The following SLC4A4 variants were observed in gnomAD, a reference collection of about 807,000 sequenced individuals.
The protein encoded by SLC4A4 is electrogenic sodium bicarbonate cotransporter 1.
A neutral mutation model predicts 111.5 loss-of-function variants in SLC4A4; 27 were observed. The observed-to-expected ratio is 0.24, with a 90% confidence interval of 0.18 to 0.33. SLC4A4 has a LOEUF of 0.33. Ranked by LOEUF, SLC4A4 falls within the 10% of genes least tolerant of loss-of-function variation. The pLI is 1.00. For synonymous variants in SLC4A4, 443 were observed against 463.4 expected (o/e 0.96, Z 0.57); for missense variants, 909 against 1,315.5 (o/e 0.69, Z 4.78).
chr4:71,107,542 G>T (rs1180138148), intron 2 of SLC4A4, among the ~76,000 whole-genome samples: 2 of 151,926 alleles, frequency 1.3e-5, no homozygotes, highest in Non-Finnish European at 2.9e-5. Context: ...TAGAGACGGG[G>T]TTTCACCATG....
chr4:71,357,491 T>C (rs1730386176), intron 6 of SLC4A4, among the ~76,000 whole-genome samples: 1 of 152,182 alleles, frequency 6.6e-6, no homozygotes, highest in Admixed American at 6.5e-5. Flanking sequence ...ATATTATAGA[T>C]GAGTCAGCAG....
intron 7 of SLC4A4, among the ~76,000 whole-genome samples, chr4:71,432,755 G>A (rs2100149654): frequency 6.6e-6 from 1 of 151,864 alleles, no homozygotes; most frequent in Non-Finnish European, 1.5e-5. Flanking sequence ...AAAGCCTACA[G>A]AGGGTGATGG....
intron 16 of SLC4A4, among the ~76,000 whole-genome samples, chr4:71,507,018 C>A (rs528136567): frequency 1.6e-4 from 25 of 152,006 alleles, no homozygotes; most frequent in African/African-American, 5.6e-4. Flanking sequence ...AAGGAGAAAT[C>A]AAATTATTTT....
intron 3 of SLC4A4, among the ~76,000 whole-genome samples, chr4:71,264,147 T>C (rs914531775): frequency 1.3e-5 from 2 of 152,194 alleles, no homozygotes; most frequent in Non-Finnish European, 2.9e-5. Context: ...CATGTTGCTT[T>C]CAGAGATGAA....
intron 17 of SLC4A4, among the ~76,000 whole-genome samples, chr4:71,533,917 C>T (rs558992294): frequency 6.6e-6 from 1 of 152,114 alleles, no homozygotes; most frequent in African/African-American, 2.4e-5. Flanking sequence ...CTTCTGGCTA[C>T]TCTTTAAACT....
chr4:71,507,009 A>C (rs567107747), intron 16 of SLC4A4, among the ~76,000 whole-genome samples: 9 of 152,288 alleles, frequency 5.9e-5, no homozygotes, highest in Non-Finnish European at 1.2e-4. Flanking sequence ...TCATAAGCAA[A>C]GGAGAAATCA....
intron 2 of SLC4A4, among the ~76,000 whole-genome samples, chr4:71,093,914 C>T (rs371542337): frequency 1.8e-4 from 28 of 151,872 alleles, no homozygotes; most frequent in East Asian, 9.6e-4. Flanking sequence ...TTTAAATGTT[C>T]GAAAAATGAA....
chr4:71,495,102 G>A (rs950234967), intron 15 of SLC4A4, among the ~76,000 whole-genome samples: 1 of 152,064 alleles, frequency 6.6e-6, no homozygotes, highest in African/African-American at 2.4e-5. Flanking sequence ...TTTCTGGATA[G>A]TGATACAAAG....
chr4:71,240,391 T>C (rs1720114729), intron 2 of SLC4A4, among the ~76,000 whole-genome samples: 1 of 152,176 alleles, frequency 6.6e-6, no homozygotes, highest in African/African-American at 2.4e-5. Flanking sequence ...AACATCAAGT[T>C]CAACCAACAA....
At chr4:71,533,725 G>A (rs1309743210) in intron 17 of SLC4A4, among the ~76,000 whole-genome samples, 1 of 151,726 alleles carries the variant, frequency 6.6e-6, no homozygotes, top group Non-Finnish European at 1.5e-5. Context: ...TATATATTAT[G>A]AAGCTGTTAA....
intron 2 of SLC4A4, among the ~76,000 whole-genome samples, chr4:71,118,657 C>G (rs1226101774): frequency 2.0e-5 from 3 of 151,964 alleles, no homozygotes; most frequent in African/African-American, 7.3e-5. Context: ...TTATCTTTGA[C>G]AGATTATTTG....
intron 1 of SLC4A4, among the ~76,000 whole-genome samples, chr4:71,189,225 T>C (rs1745624009): frequency 6.6e-6 from 1 of 152,184 alleles, no homozygotes; most frequent in African/African-American, 2.4e-5. Context: ...CCATTTGCTC[T>C]TTTGGGGTCA....
chr4:71,560,002 G>T, intron 22 of SLC4A4, 91 bp from the exon 23 acceptor site: 1 of 969,000 alleles, frequency 1.0e-6, no homozygotes, highest in South Asian at 1.3e-5. Flanking sequence ...CACAAAGTAG[G>T]TTTCTGTGGT....
chr4:71,227,570 C>T (rs2149028796), intron 1 of SLC4A4, among the ~76,000 whole-genome samples: 1 of 152,312 alleles, frequency 6.6e-6, no homozygotes, highest in Middle Eastern at 3.4e-3. Context: ...TAGATATTCC[C>T]TTTCCCGTGA....
intron 16 of SLC4A4, among the ~76,000 whole-genome samples, chr4:71,521,446 C>A (rs1235619285): frequency 6.6e-6 from 1 of 152,030 alleles, no homozygotes; most frequent in East Asian, 1.9e-4. Flanking sequence ...GTCGCCCAGG[C>A]TAGTCTTGAA....
At chr4:71,497,781 T>C (rs1215804022) in intron 16 of SLC4A4, 89 bp downstream of exon 16, 5 of 1,044,156 alleles carry the variant, frequency 4.8e-6, no homozygotes, top group African/African-American at 1.6e-5. Context: ...GCACCTGTAA[T>C]TCAATGTGTC....
At chr4:71,206,844 G>T (rs541510378) in intron 1 of SLC4A4, among the ~76,000 whole-genome samples, 1 of 151,624 alleles carries the variant, frequency 6.6e-6, no homozygotes, top group Admixed American at 6.6e-5. Flanking sequence ...AGAGGTTTCC[G>T]ACCCTAGTGA....
intron 2 of SLC4A4, among the ~76,000 whole-genome samples, chr4:71,161,537 AT>A (rs931888885): frequency 2.0e-5 from 3 of 152,198 alleles, no homozygotes; most frequent in Non-Finnish European, 4.4e-5. Context: ...TAATTAATGA[AT>A]TGCCTACATG....
At chr4:71,477,147 A>T (rs2149115207) in intron 14 of SLC4A4, among the ~76,000 whole-genome samples, 1 of 151,884 alleles carries the variant, frequency 6.6e-6, no homozygotes, top group South Asian at 2.1e-4. Context: ...TTTCAGTGTT[A>T]CCCAGAACTA....
Sources: allele counts gnomAD v4.1 joint callset (sites outside exome capture counted in the v4.1 genomes callset), GRCh38; gene constraint gnomAD v4.1.1; transcripts MANE v1.5; gene names NCBI Gene and HGNC (gene_info 2026-07-23, HGNC 2026-07-21).